The following ATRNL1 variants were observed in gnomAD, a reference collection of about 807,000 sequenced individuals.
ATRNL1 encodes attractin like 1, also known as attractin-like protein 1.
Under a neutral mutation model 182.7 loss-of-function variants are expected in ATRNL1, and 95 were observed. The observed-to-expected ratio is 0.52, with a 90% CI of 0.44 to 0.62. ATRNL1 has a LOEUF of 0.62. Among genes scored for constraint, ATRNL1 ranks in the 20% least tolerant of loss-of-function variants. The pLI is 0.00. For missense variants in ATRNL1, 1,471 were observed against 1,679.5 expected (o/e 0.88, Z 2.17); for synonymous variants, 576 against 568.3 (o/e 1.01, Z -0.19).
chr10:115,532,619 C>T (rs1168426584), intron 25 of ATRNL1, among the ~76,000 whole-genome samples: 3 of 150,870 alleles, frequency 2.0e-5, no homozygotes, highest in Admixed American at 6.6e-5. Context: ...CCCTTTATTT[C>T]CTTCTCCTGC....
At chr10:115,551,600 T>G (rs1852994000) in intron 26 of ATRNL1, among the ~76,000 whole-genome samples, 2 of 151,376 alleles carry the variant, frequency 1.3e-5, no homozygotes, top group African/African-American at 4.8e-5. Flanking sequence ...AAAAAGAAAA[T>G]GTATCTTGAG....
At chr10:115,691,888 T>C (rs1207081011) in intron 26 of ATRNL1, among the ~76,000 whole-genome samples, 2 of 152,212 alleles carry the variant, frequency 1.3e-5, no homozygotes, top group Non-Finnish European at 2.9e-5. Context: ...GTATATAGTT[T>C]GCAAATATTT....
intron 26 of ATRNL1, among the ~76,000 whole-genome samples, chr10:115,602,514 A>G (rs1289184822): frequency 3.3e-5 from 5 of 152,134 alleles, no homozygotes; most frequent in Non-Finnish European, 5.9e-5. Flanking sequence ...ATTCAGAATT[A>G]GTGTCAGACG....
At chr10:115,688,059 A>G (rs10787587) in intron 26 of ATRNL1, among the ~76,000 whole-genome samples, 56,980 of 151,882 alleles carry the variant, frequency 0.38, 11,541 homozygotes, top group East Asian at 0.58. Flanking sequence ...AAGTGAGAAC[A>G]TGCAGTATTT....
intron 9 of ATRNL1, among the ~76,000 whole-genome samples, chr10:115,226,922 C>G (rs962301662): frequency 1.5e-4 from 23 of 152,036 alleles, no homozygotes; most frequent in African/African-American, 5.3e-4. Context: ...TATACAAAAT[C>G]AACTCAAAAT....
At chr10:115,658,467 C>T (rs1860475089) in intron 26 of ATRNL1, among the ~76,000 whole-genome samples, 1 of 151,818 alleles carries the variant, frequency 6.6e-6, no homozygotes, top group African/African-American at 2.4e-5. Flanking sequence ...CTATTAGTAT[C>T]CTTCTTCTGT....
At chr10:115,308,599 C>T (rs562485439) in intron 17 of ATRNL1, among the ~76,000 whole-genome samples, 3 of 152,106 alleles carry the variant, frequency 2.0e-5, no homozygotes, top group East Asian at 3.9e-4. Context: ...GAATATTTTA[C>T]AACTTGATCT....
chr10:115,560,142 A>G lies in ATRNL1; in HGVS notation c.3795+10606A>G, dbSNP rs554430645. Reference sequence around the variant, plus strand: ...ACGAATTCAATTCAAAATAGCATCAATAAGAATAAAATACACAGGAACAAA... The same window carrying G: ...ACGAATTCAATTCAAAATAGCATCAGTAAGAATAAAATACACAGGAACAAA... On this transcript the variant is annotated intron_variant, in intron 26 of 28. Transcript: ENST00000355044. Among the ~76,000 whole-genome samples the G allele has an allele frequency of 5.9e-5, 9 of 152,342 alleles. No individual in the cohort carries two copies. The South Asian group carries it at 1.9e-3, about 32-fold the overall frequency.
intron 22 of ATRNL1, among the ~76,000 whole-genome samples, chr10:115,466,086 C>T (rs1467600011): frequency 6.6e-6 from 1 of 151,416 alleles, no homozygotes; most frequent in Non-Finnish European, 1.5e-5. Flanking sequence ...TTCCTTATTT[C>T]TCCTGCTATT....
At chr10:115,598,562 C>T (rs1364928169) in intron 26 of ATRNL1, among the ~76,000 whole-genome samples, 2 of 151,628 alleles carry the variant, frequency 1.3e-5, no homozygotes, top group African/African-American at 4.8e-5. Flanking sequence ...CGGGGTTTCA[C>T]CATGTTGGGC....
intron 28 of ATRNL1, among the ~76,000 whole-genome samples, chr10:115,892,550 C>CA (rs1555111560): frequency 6.6e-6 from 1 of 152,060 alleles, no homozygotes; most frequent in Non-Finnish European, 1.5e-5. Flanking sequence ...TGATACATAT[C>CA]TTGTAAGACT....
chr10:115,371,239 G>T (rs1357698462), intron 19 of ATRNL1, among the ~76,000 whole-genome samples: 1 of 152,176 alleles, frequency 6.6e-6, no homozygotes, highest in Non-Finnish European at 1.5e-5. Flanking sequence ...TTGTGGGGTG[G>T]TACCCCCACA....
intron 28 of ATRNL1, among the ~76,000 whole-genome samples, chr10:115,931,416 C>G (rs531615603): frequency 6.6e-6 from 1 of 152,150 alleles, no homozygotes; most frequent in South Asian, 2.1e-4. Flanking sequence ...AAAATGATTA[C>G]TCTAATTATG....
intron 26 of ATRNL1, chr10:115,597,934 G>T: frequency 6.0e-6 from 1 of 167,068 alleles, no homozygotes; most frequent in Non-Finnish European, 1.3e-5. Flanking sequence ...CTAAACTCGT[G>T]ATATATAGAT....
intron 10 of ATRNL1, among the ~76,000 whole-genome samples, chr10:115,261,975 G>A (rs1011616129): frequency 6.6e-6 from 1 of 152,124 alleles, no homozygotes; most frequent in Non-Finnish European, 1.5e-5. Flanking sequence ...GTGTAAGTCT[G>A]TGTAAGAGCT....
At chr10:115,868,648 A>T (rs2134409330) in intron 28 of ATRNL1, among the ~76,000 whole-genome samples, 1 of 152,076 alleles carries the variant, frequency 6.6e-6, no homozygotes, top group East Asian at 1.9e-4. Context: ...CCAGGGTCAT[A>T]CAGCTGATTA....
intron 27 of ATRNL1, among the ~76,000 whole-genome samples, chr10:115,759,841 A>ATTTTT (rs58578796): frequency 9.6e-4 from 60 of 62,678 alleles, no homozygotes; most frequent in African/African-American, 2.5e-3. Context: ...ACACCTGGCT[A>ATTTTT]TTTTTTTTTT....
intron 28 of ATRNL1, among the ~76,000 whole-genome samples, chr10:115,863,247 A>T (rs1253612737): frequency 8.5e-5 from 13 of 152,206 alleles, no homozygotes; most frequent in African/African-American, 2.9e-4. Flanking sequence ...AACTGTAAAA[A>T]ATGAACCTAA....
chr10:115,234,836 G>T (rs1295268597), intron 9 of ATRNL1, among the ~76,000 whole-genome samples: 1 of 152,100 alleles, frequency 6.6e-6, no homozygotes, highest in South Asian at 2.1e-4. Context: ...CCATCCGCCC[G>T]CCTTGGCCTC....
Sources: allele counts gnomAD v4.1 joint callset (sites outside exome capture counted in the v4.1 genomes callset), GRCh38; gene constraint gnomAD v4.1.1; transcripts MANE v1.5; gene names NCBI Gene and HGNC (gene_info 2026-07-23, HGNC 2026-07-21).